Variants in PDLIM5 observed in about 807,000 individuals in gnomAD.
PDLIM5 encodes the protein PDZ and LIM domain protein 5.
PDLIM5 carries 34 observed loss-of-function variants against 64.2 expected under a neutral mutation model. The observed-to-expected ratio is 0.53, with a 90% CI of 0.40 to 0.71. PDLIM5 has a LOEUF of 0.71. PDLIM5 is among the 30% of genes least tolerant of loss of function. The probability of loss-of-function intolerance (pLI) is 0.00; values close to 1 mark genes in which losing one functional copy is unlikely to be tolerated. For missense variants in PDLIM5, 683 were observed against 733.6 expected (o/e 0.93, Z 0.80); for synonymous variants, 253 against 269.1 (o/e 0.94, Z 0.59).
intron 5 of PDLIM5, chr4:94,582,655 GGA>G (rs1735824176): frequency 9.7e-7 from 1 of 1,032,748 alleles, no homozygotes; most frequent in Admixed American, 2.0e-5. Flanking sequence ...CATCTTCCGG[GGA>G]ACATCAATGT....
chr4:94,554,874 G>A (rs1429603808), intron 3 of PDLIM5, among the ~76,000 whole-genome samples: 2 of 152,030 alleles, frequency 1.3e-5, no homozygotes, highest in Non-Finnish European at 2.9e-5. Flanking sequence ...CTTTACAATG[G>A]TGTGATACCA....
At chr4:94,614,047 C>G (rs1448246905) in intron 7 of PDLIM5, among the ~76,000 whole-genome samples, 1 of 150,246 alleles carries the variant, frequency 6.7e-6, no homozygotes, top group Non-Finnish European at 1.5e-5. Flanking sequence ...ACTGCAACCT[C>G]CGCCTCGCGG....
At chr4:94,652,028 G>A (rs1741881492) in intron 9 of PDLIM5, among the ~76,000 whole-genome samples, 1 of 152,174 alleles carries the variant, frequency 6.6e-6, no homozygotes, top group Admixed American at 6.5e-5. Flanking sequence ...CTGGCAAATG[G>A]AATGTATTTT....
At chr4:94,550,037 CAG>C (rs1302004642) in intron 3 of PDLIM5, 3 of 151,924 alleles carry the variant, frequency 2.0e-5, no homozygotes, top group African/African-American at 4.8e-5. Context: ...TTACATAAGT[CAG>C]TGGTATAGTA....
intron 7 of PDLIM5, among the ~76,000 whole-genome samples, chr4:94,595,801 A>G (rs1737027656): frequency 6.6e-6 from 1 of 152,182 alleles, no homozygotes; most frequent in Non-Finnish European, 1.5e-5. Context: ...TTAATAAGCT[A>G]TGCAAAGAAA....
At chr4:94,454,029 G>A (rs886851176) in intron 1 of PDLIM5, among the ~76,000 whole-genome samples, 1 of 152,122 alleles carries the variant, frequency 6.6e-6, no homozygotes, top group Non-Finnish European at 1.5e-5. Context: ...AGGAATGTTT[G>A]CTTTAAATAT....
At chr4:94,494,432 G>GGTTTTTTTTTCTTT (rs1553940971) in intron 2 of PDLIM5, among the ~76,000 whole-genome samples, 1 of 70,770 alleles carries the variant, frequency 1.4e-5, no homozygotes, top group Non-Finnish European at 2.8e-5. Flanking sequence ...TTTTTTTCTT[G>GGTTTTTTTTTCTTT]TTTTTTTTTT....
At position 94,456,330 on chromosome 4, in the gene PDLIM5, C is replaced by T. The variant is rs530715680; in HGVS notation, c.96+946C>T. ...TCTCCTGCCTCAGCCTCCCGAGTAG[C>T]TGGGATTACAGGCATGTGCCACCAC... On this transcript the variant is annotated intron_variant, in intron 2 of 12. Transcript: ENST00000317968. 27 of 560,474 alleles carry T rather than the reference C, an allele frequency of 4.8e-5. No individual in the cohort carries two copies. The South Asian group carries it at 5.2e-4, about 11-fold the overall frequency. The allele number at this position is 560,474 out of a possible 1,614,324, so 34.7% of individuals were successfully genotyped here.
At chr4:94,486,299 C>T (rs1180908749) in intron 2 of PDLIM5, among the ~76,000 whole-genome samples, 6 of 152,086 alleles carry the variant, frequency 3.9e-5, no homozygotes, top group Non-Finnish European at 8.8e-5. Context: ...GTAGCCTCTA[C>T]ATAAACATTC....
chr4:94,597,593 G>GC (rs772249095), intron 7 of PDLIM5, among the ~76,000 whole-genome samples: 3 of 151,918 alleles, frequency 2.0e-5, no homozygotes, highest in Non-Finnish European at 4.4e-5. Context: ...GGGATTTGAA[G>GC]CCCCCCATAC....
chr4:94,587,019 CAAA>C, intron 7 of PDLIM5: 1 of 1,604,714 alleles, frequency 6.2e-7, no homozygotes, highest in African/African-American at 1.4e-5. Context: ...TCTTTAGTCC[CAAA>C]TACACAAAAT....
At chr4:94,608,301 A>C in intron 7 of PDLIM5, 1 of 498,684 alleles carries the variant, frequency 2.0e-6, no homozygotes, top group South Asian at 4.9e-5. Flanking sequence ...ACCTATAGAC[A>C]AGAAAGCTTG....
intron 8 of PDLIM5, among the ~76,000 whole-genome samples, chr4:94,622,802 C>CT (rs1739347147): frequency 6.6e-6 from 1 of 152,058 alleles, no homozygotes; most frequent in Non-Finnish European, 1.5e-5. Context: ...TCCTGAGTAG[C>CT]TGGGACTACA....
intron 2 of PDLIM5, among the ~76,000 whole-genome samples, chr4:94,496,514 C>G (rs774993): frequency 0.8 from 122,205 of 152,074 alleles, 49,281 homozygotes; most frequent in East Asian, 0.93. Context: ...TTAAGAGACA[C>G]AGTCTCAGTC....
At chr4:94,508,327 A>G (rs551177085) in intron 2 of PDLIM5, among the ~76,000 whole-genome samples, 1 of 152,308 alleles carries the variant, frequency 6.6e-6, no homozygotes, top group African/African-American at 2.4e-5. Flanking sequence ...AAAAATAAAT[A>G]AATAAACTTA....
chr4:94,646,938 C>T (rs141432453), intron 9 of PDLIM5, among the ~76,000 whole-genome samples: 1 of 152,220 alleles, frequency 6.6e-6, no homozygotes, highest in Non-Finnish European at 1.5e-5. Context: ...TAATGAAAGA[C>T]TGCTGTTTCT....
chr4:94,571,629 A>G (rs1034680445), intron 3 of PDLIM5, among the ~76,000 whole-genome samples: 9 of 152,204 alleles, frequency 5.9e-5, no homozygotes, highest in South Asian at 2.1e-4. Flanking sequence ...TTTGAAGAGA[A>G]AATGTAGGAA....
chr4:94,566,370 G>A (rs1734319302), intron 3 of PDLIM5, among the ~76,000 whole-genome samples: 1 of 152,064 alleles, frequency 6.6e-6, no homozygotes, highest in Non-Finnish European at 1.5e-5. Flanking sequence ...TTATCTCTAG[G>A]TTTTTTTGTT....
chr4:94,580,143 T>C (rs1217036147), intron 5 of PDLIM5, among the ~76,000 whole-genome samples: 1 of 152,174 alleles, frequency 6.6e-6, no homozygotes, highest in African/African-American at 2.4e-5. Flanking sequence ...ACCTCACTTT[T>C]GTGTTCCATT....
Sources: allele counts gnomAD v4.1 joint callset (sites outside exome capture counted in the v4.1 genomes callset), GRCh38; gene constraint gnomAD v4.1.1; transcripts MANE v1.5; gene names NCBI Gene and HGNC (gene_info 2026-07-23, HGNC 2026-07-21).